Variants in ALMS1 observed in about 807,000 individuals in gnomAD.
The protein encoded by ALMS1 is ALMS1 centrosome and basal body associated protein, also known as centrosome-associated protein ALMS1.
A neutral mutation model predicts 352.2 loss-of-function variants in ALMS1; 271 were observed. The observed-to-expected ratio is 0.77, with a 90% CI of 0.70 to 0.85. The LOEUF (loss-of-function observed/expected upper bound fraction) is 0.85, where lower values mean the gene tolerates loss of function less well. Among genes scored for constraint, ALMS1 ranks in the 40% least tolerant of loss-of-function variants. ALMS1 has a pLI of 0.00. For missense variants in ALMS1, 5,445 were observed against 4,870.7 expected, an observed-to-expected ratio of 1.12 and a Z score of -3.51; for synonymous variants, 1,865 against 1,761.2, an observed-to-expected ratio of 1.06 and a Z score of -1.48.
chr2:73,415,665 T>C (rs1471548828), intron 2 of ALMS1, among the ~76,000 whole-genome samples: 1 of 152,158 alleles, frequency 6.6e-6, no homozygotes, highest in Non-Finnish European at 1.5e-5. Flanking sequence ...CAGGCAATAT[T>C]GAGTGCCCTT....
chr2:73,563,844 G>T (rs1172849191), intron 15 of ALMS1, among the ~76,000 whole-genome samples: 2 of 151,860 alleles, frequency 1.3e-5, no homozygotes, highest in Non-Finnish European at 2.9e-5. Flanking sequence ...GAATTTGCTT[G>T]TAGGGAGAAA....
intron 7 of ALMS1, among the ~76,000 whole-genome samples, chr2:73,447,643 C>T (rs1019014094): frequency 6.6e-6 from 1 of 152,116 alleles, no homozygotes; most frequent in African/African-American, 2.4e-5. Context: ...AGGGTGAAAT[C>T]AAATCCTAGA....
chr2:73,435,280 C>T (rs1671584257), intron 7 of ALMS1, among the ~76,000 whole-genome samples: 1 of 152,066 alleles, frequency 6.6e-6, no homozygotes, highest in African/African-American at 2.4e-5. Context: ...CATTTTCTGG[C>T]TTACGTTTGG....
chr2:73,402,484 A>G (rs888557986), intron 1 of ALMS1, among the ~76,000 whole-genome samples: 2 of 151,698 alleles, frequency 1.3e-5, no homozygotes, highest in Non-Finnish European at 2.9e-5. Context: ...ATGTTGGCCA[A>G]GCTGGTCTCA....
intron 10 of ALMS1, among the ~76,000 whole-genome samples, chr2:73,508,452 G>T (rs190233860): frequency 1.3e-5 from 2 of 151,898 alleles, no homozygotes; most frequent in East Asian, 1.9e-4. Flanking sequence ...TGATCCACCC[G>T]CCTCGGCCTC....
intron 10 of ALMS1, among the ~76,000 whole-genome samples, chr2:73,494,157 AG>A (rs1331053271): frequency 6.6e-6 from 1 of 152,162 alleles, no homozygotes; most frequent in African/African-American, 2.4e-5. Context: ...AGGGCAAGAG[AG>A]GGTGCCCAAA....
intron 16 of ALMS1, among the ~76,000 whole-genome samples, chr2:73,596,606 G>A (rs1277768927): frequency 1.3e-5 from 2 of 152,076 alleles, no homozygotes; most frequent in African/African-American, 4.8e-5. Context: ...CGAGTAGCTG[G>A]AACTACAGGT....
intron 13 of ALMS1, among the ~76,000 whole-genome samples, chr2:73,553,514 G>A (rs1674482712): frequency 6.6e-6 from 1 of 152,180 alleles, no homozygotes; most frequent in Non-Finnish European, 1.5e-5. Flanking sequence ...TGAGGATGAA[G>A]TAGGGATTGG....
rs70965737 is a variant in ALMS1 at position 73,478,656 on chromosome 2, GTTTATTTATTTA to G, written c.7675-10958_7675-10947del. Among the ~76,000 whole-genome samples the G allele has an allele frequency of 2.1e-3, 322 of 150,124 alleles. 1 individual carries two copies. The highest frequency in any genetic ancestry group is 7.4e-3 in the African/African-American group (305 of 40,958). The stretch of plus-strand genomic sequence containing the variant: ...TTTTTATTTATTTAGTAATTTATTC[GTTTATTTATTTA>G]TTTATTTATTTATTTATTTTACTTT... On this transcript the variant is annotated intron_variant, in intron 9 of 22. Coordinates refer to ENST00000613296, the MANE Select transcript of ALMS1 (RefSeq NM_001378454.1).
At chr2:73,599,368 G>T in intron 16 of ALMS1, 33 bp from the exon 17 acceptor site, 2 of 1,609,356 alleles carry the variant, frequency 1.2e-6, no homozygotes, top group African/African-American at 2.7e-5. Flanking sequence ...TTGACTGCAG[G>T]TAATAATAAC....
chr2:73,543,459 AG>A (rs1674238903), intron 12 of ALMS1, among the ~76,000 whole-genome samples: 1 of 152,224 alleles, frequency 6.6e-6, no homozygotes, highest in Admixed American at 6.5e-5. Flanking sequence ...GGCATGGTCA[AG>A]GACTTCATGT....
chr2:73,463,074 C>T (rs1256724790), intron 9 of ALMS1, among the ~76,000 whole-genome samples: 1 of 152,130 alleles, frequency 6.6e-6, no homozygotes, highest in East Asian at 1.9e-4. Context: ...CAAGGATACC[C>T]AGCAATTGAA....
rs761516647 is a variant in ALMS1, at chr2:73,557,332, A to G, written c.10191A>G (p.Glu3397=). Residue 3397 remains glutamate, a synonymous_variant, in exon 14 of 23, where the codon GAA becomes GAG. Transcript: ENST00000613296. The part of the protein sequence containing the change: ...VTEAAQAKEK[E]SLQKDTADSS... ...AGGCTGCCCAGGCTAAAGAAAAAGA[A>G]TCTTTGCAGAAAGATACTGCAGGTA... 10 of 1,614,162 alleles carry G rather than the reference A, an allele frequency of 6.2e-6. No individual in the cohort carries two copies. The South Asian group carries it at 1.1e-4, about 18-fold the overall frequency.
intron 16 of ALMS1, among the ~76,000 whole-genome samples, chr2:73,584,307 C>T (rs1222191570): frequency 2.0e-5 from 3 of 152,078 alleles, no homozygotes; most frequent in Non-Finnish European, 2.9e-5. Flanking sequence ...AGAATTAGAA[C>T]ATTTTACTTA....
At chr2:73,528,691 T>C (rs1315371603) in intron 11 of ALMS1, among the ~76,000 whole-genome samples, 1 of 152,180 alleles carries the variant, frequency 6.6e-6, no homozygotes, top group African/African-American at 2.4e-5. Flanking sequence ...AACCACTGTA[T>C]GTCTTTGGAT....
chr2:73,525,410 C>G (rs1230200580), intron 11 of ALMS1, among the ~76,000 whole-genome samples: 1 of 152,178 alleles, frequency 6.6e-6, no homozygotes, highest in South Asian at 2.1e-4. Context: ...TACAAGAGTT[C>G]CCTTTTCTCC....
chr2:73,599,555 T>C (rs1675627406), intron 17 of ALMS1, 34 bp downstream of exon 17: 2 of 1,602,962 alleles, frequency 1.2e-6, no homozygotes, highest in African/African-American at 2.7e-5. Context: ...TTCATTGAAA[T>C]ACATTGAAAT....
At chr2:73,607,279 TA>T in intron 21 of ALMS1, among the ~76,000 whole-genome samples, 1 of 152,254 alleles carries the variant, frequency 6.6e-6, no homozygotes, top group Non-Finnish European at 1.5e-5. Context: ...TTGTTTGGTA[TA>T]CATGAAACAT....
At position 73,461,665 on chromosome 2, in the gene ALMS1, A is replaced by G. The variant is rs918336853; in HGVS notation, c.7674+6370A>G. Among the ~76,000 whole-genome samples, 10 of 152,324 alleles carry G rather than the reference A, an allele frequency of 6.6e-5. 1 individual carries two copies. The highest frequency in any genetic ancestry group is 6.8e-3 in the Middle Eastern group (2 of 294). On this transcript the variant is annotated intron_variant, in intron 9 of 22. Coordinates refer to ENST00000613296, the MANE Select transcript of ALMS1 (RefSeq NM_001378454.1). ...AGATGATCAAACTACTCCGAGCTAC[A>G]GGAGGAAATTCAAACCAATGGCAAA...
Sources: allele counts gnomAD v4.1 joint callset (sites outside exome capture counted in the v4.1 genomes callset), GRCh38; gene constraint gnomAD v4.1.1; transcripts MANE v1.5; gene names NCBI Gene and HGNC (gene_info 2026-07-23, HGNC 2026-07-21).